The following RPS6KC1 variants were observed in gnomAD, a reference collection of about 807,000 sequenced individuals.
RPS6KC1 encodes the protein inactive ribosomal protein S6 kinase delta-1.
RPS6KC1 carries 54 observed loss-of-function variants against 103.8 expected under a neutral mutation model. That is an observed-to-expected ratio of 0.52 (90% CI 0.42 to 0.65). RPS6KC1 has a LOEUF of 0.65. RPS6KC1 is among the 30% of genes least tolerant of loss of function. The pLI is 0.00. For synonymous variants in RPS6KC1, 439 were observed against 438.7 expected, an observed-to-expected ratio of 1.00 and a Z score of -0.01; for missense variants, 1,151 against 1,253.8, an observed-to-expected ratio of 0.92 and a Z score of 1.24.
At chr1:213,861,023 G>A in the RPS6KC1 span, among the ~76,000 whole-genome samples, 1 of 151,948 alleles carries the variant, frequency 6.6e-6, no homozygotes. Flanking sequence ...TAGCCAGGAT[G>A]GTCTCAAACC....
At chr1:213,839,540 G>T in the RPS6KC1 span, among the ~76,000 whole-genome samples, 1 of 152,158 alleles carries the variant, frequency 6.6e-6, no homozygotes, top group African/African-American at 2.4e-5. Context: ...AAAACAAAAA[G>T]TTGAGAATGA....
At chr1:213,149,877 AC>A (rs1169873424) in intron 6 of RPS6KC1, among the ~76,000 whole-genome samples, 2 of 151,850 alleles carry the variant, frequency 1.3e-5, no homozygotes, top group Non-Finnish European at 2.9e-5. Flanking sequence ...CACTGAATTG[AC>A]CCCTTTATCA....
At chr1:213,290,071 G>C in the RPS6KC1 span, among the ~76,000 whole-genome samples, 2 of 150,970 alleles carry the variant, frequency 1.3e-5, no homozygotes, top group Non-Finnish European at 3.0e-5. Flanking sequence ...TGTGGACCTG[G>C]GAGGCGGAGC....
the RPS6KC1 span, among the ~76,000 whole-genome samples, chr1:213,779,354 G>A: frequency 9.9e-4 from 150 of 152,214 alleles, 1 homozygote; most frequent in Middle Eastern, 3.4e-3. Context: ...TCATATCTCC[G>A]GACAAGTCTC....
the RPS6KC1 span, among the ~76,000 whole-genome samples, chr1:213,435,321 T>A: frequency 4.6e-5 from 7 of 152,204 alleles, no homozygotes; most frequent in Admixed American, 4.6e-4. Context: ...ATTCTAACAT[T>A]TGTGTCAGTT....
chr1:213,451,707 G>C, the RPS6KC1 span, among the ~76,000 whole-genome samples: 15 of 152,214 alleles, frequency 9.9e-5, no homozygotes, highest in African/African-American at 3.6e-4. Context: ...ATTCCCATTA[G>C]CTTGTGATGT....
chr1:213,374,417 A>G, the RPS6KC1 span, among the ~76,000 whole-genome samples: 1 of 152,094 alleles, frequency 6.6e-6, no homozygotes, highest in East Asian at 1.9e-4. Flanking sequence ...GGTCCAATGG[A>G]ACACACTTTG....
At chr1:213,734,820 G>A in the RPS6KC1 span, among the ~76,000 whole-genome samples, 2 of 152,238 alleles carry the variant, frequency 1.3e-5, no homozygotes, top group African/African-American at 4.8e-5. Context: ...GGGCATTGGC[G>A]GCACAAGGTC....
At chr1:213,856,104 C>T in the RPS6KC1 span, among the ~76,000 whole-genome samples, 1 of 152,298 alleles carries the variant, frequency 6.6e-6, no homozygotes, top group African/African-American at 2.4e-5. Context: ...CCCTTGGGGC[C>T]TGGAGTGGAG....
chr1:213,239,824 C>A (rs2094310209), intron 10 of RPS6KC1, among the ~76,000 whole-genome samples: 1 of 152,148 alleles, frequency 6.6e-6, no homozygotes, highest in South Asian at 2.1e-4. Context: ...TGTTTCTAAT[C>A]ACTACTGTTA....
rs761856856 is a variant in RPS6KC1, at chr1:213,241,991, A to G, written c.2515A>G (p.Lys839Glu). The change falls in exon 11 of 15, where the codon AAA becomes GAA. Residue 839 changes from lysine (K) to glutamate (E), a missense_variant. Lys to Glu is a moderately conservative substitution (Grantham distance 56). Coordinates refer to ENST00000366960, the MANE Select transcript of RPS6KC1 (RefSeq NM_012424.6). The stretch of plus-strand genomic sequence containing the variant: ...ATATATTGCAAGCACAGACACTTTA[A>G]AAACAGAAGAAGTATTGCTGTTTAC... ...NEYIASTDTL[K>E]TEEVLLFTDQ... is the part of the protein sequence containing the mutation. 1.2e-6 allele frequency: 2 copies of G among 1,613,930 alleles called. No individual in the cohort carries two copies. Among genetic ancestry groups the G allele is most frequent in the South Asian group, 1.1e-5 (1 of 91,076 alleles).
At chr1:213,150,172 C>T (rs186190792) in intron 6 of RPS6KC1, among the ~76,000 whole-genome samples, 90 of 152,006 alleles carry the variant, frequency 5.9e-4, no homozygotes, top group African/African-American at 2.1e-3. Flanking sequence ...GGACTTACAC[C>T]ATTTTGTTAT....
At chr1:213,385,481 T>C in the RPS6KC1 span, among the ~76,000 whole-genome samples, 1 of 152,186 alleles carries the variant, frequency 6.6e-6, no homozygotes, top group Non-Finnish European at 1.5e-5. Context: ...CAATGGAGAT[T>C]TGATACTGTA....
At chr1:213,487,487 C>A in the RPS6KC1 span, among the ~76,000 whole-genome samples, 44 of 143,126 alleles carry the variant, frequency 3.1e-4, no homozygotes, top group East Asian at 5.1e-3. Context: ...AAAATAGCAG[C>A]CTGAGTGATT....
intron 5 of RPS6KC1, among the ~76,000 whole-genome samples, chr1:213,120,678 T>C (rs1220337433): frequency 6.6e-6 from 1 of 152,202 alleles, no homozygotes; most frequent in African/African-American, 2.4e-5. Context: ...CTAAATGTAC[T>C]ATTTTAAGCC....
Position 213,144,540 on chromosome 1 carries a change from A to C in RPS6KC1, c.835+14651A>C, listed in dbSNP as rs544077201. Among the ~76,000 whole-genome samples the C allele has an allele frequency of 8.3e-4, 127 of 152,194 alleles. 1 individual carries two copies. Among genetic ancestry groups the C allele is most frequent in the Non-Finnish European group, 1.7e-3 (118 of 68,012 alleles). On this transcript the variant is annotated intron_variant, in intron 6 of 14. Coordinates refer to ENST00000366960, the MANE Select transcript of RPS6KC1 (RefSeq NM_012424.6). ...AGTGCTGGGATTATAGGTGTGAGCC[A>C]CTGCACCTGGCCCCCTTTCTTGACC...
At chr1:213,751,411 C>T in the RPS6KC1 span, among the ~76,000 whole-genome samples, 8 of 152,154 alleles carry the variant, frequency 5.3e-5, no homozygotes, top group African/African-American at 1.4e-4. Context: ...AGCCAGAGCA[C>T]GCTGACAGCT....
the RPS6KC1 span, among the ~76,000 whole-genome samples, chr1:213,768,691 G>A: frequency 8.5e-5 from 13 of 152,224 alleles, no homozygotes; most frequent in East Asian, 2.3e-3. Context: ...CCTATAGCAT[G>A]GCATAAAACT....
intron 2 of RPS6KC1, among the ~76,000 whole-genome samples, chr1:213,072,285 A>G (rs2078958850): frequency 6.6e-6 from 1 of 152,142 alleles, no homozygotes; most frequent in Non-Finnish European, 1.5e-5. Context: ...ATATGAGTGT[A>G]TGGCCCCAGG....
Sources: gnomAD v4.1 joint callset for allele counts (sites outside exome capture counted in the v4.1 genomes callset) on GRCh38, gnomAD v4.1.1 for gene constraint, MANE v1.5 for transcripts, NCBI Gene and HGNC (gene_info 2026-07-23, HGNC 2026-07-21) for gene names.